The following HAGH variants were observed in gnomAD, a reference collection of about 807,000 sequenced individuals.
The protein encoded by HAGH is hydroxyacylglutathione hydrolase.
In HAGH, 29 loss-of-function variants were observed where a neutral mutation model predicts 35.1. That is an observed-to-expected ratio of 0.83 (90% CI 0.62 to 1.13). The LOEUF (loss-of-function observed/expected upper bound fraction) is 1.13. HAGH is among the 50% of genes most tolerant of loss of function. HAGH has a pLI of 0.00. For synonymous variants in HAGH, 225 were observed against 176.1 expected (o/e 1.28, Z -2.20); for missense variants, 478 against 419.6 (o/e 1.14, Z -1.22).
In HAGH at chr16:1,809,045, G is replaced by A; in HGVS notation, c.*238C>T. ...GCAGTGGCTCACGGAGGAGGAAGGA[G>A]GCCCGAGGGGACAAGCAGAGGCCTA... On this transcript the variant is annotated 3_prime_UTR_variant, in exon 9 of 9. Coordinates refer to ENST00000397356, the MANE Select transcript of HAGH (RefSeq NM_005326.6). The A allele has an allele frequency of 4.1e-6, 2 of 482,380 alleles. No homozygotes were observed. Among genetic ancestry groups the A allele is most frequent in the Non-Finnish European group, 7.4e-6 (2 of 270,004 alleles). 29.9% of individuals were successfully genotyped at this position (482,380 alleles called of 1,614,324 possible).
At chr16:1,815,932 A>ATTTT (rs61101799) in intron 7 of HAGH, among the ~76,000 whole-genome samples, 22 of 102,214 alleles carry the variant, frequency 2.2e-4, no homozygotes, top group East Asian at 3.0e-4. Flanking sequence ...GGCAGGGAGA[A>ATTTT]TTTTTTTTTT....
chr16:1,809,841 A>G lies in HAGH; in HGVS notation c.748-8T>C. 1.2e-6 allele frequency: 2 copies of G among 1,609,772 alleles called. No homozygotes were observed. Among genetic ancestry groups the G allele is most frequent in the Non-Finnish European group, 1.7e-6 (2 of 1,176,036 alleles). On this transcript the variant is annotated splice_polypyrimidine_tract_variant and splice_region_variant and intron_variant, in intron 7 of 8. Coordinates refer to ENST00000397356, the MANE Select transcript of HAGH (RefSeq NM_005326.6). ...CCCGATGCTGTACTTCTCCTGCAAG[A>G]GAAACGCACCACTTTATCACGGGAA...
At chr16:1,813,627 G>A (rs1013365187) in intron 7 of HAGH, among the ~76,000 whole-genome samples, 1 of 152,232 alleles carries the variant, frequency 6.6e-6, no homozygotes, top group Non-Finnish European at 1.5e-5. Context: ...TCAATGTTAA[G>A]ATCGCAATTC....
At chr16:1,810,351 T>TCATTCA (rs1897590318) in intron 7 of HAGH, 1 of 155,090 alleles carries the variant, frequency 6.4e-6, no homozygotes, top group African/African-American at 2.4e-5. Flanking sequence ...AGCTTCCTTT[T>TCATTCA]CATTCACATG....
chr16:1,812,207 A>AAG (rs1217797834), intron 7 of HAGH, among the ~76,000 whole-genome samples: 1 of 147,232 alleles, frequency 6.8e-6, no homozygotes, highest in East Asian at 2.0e-4. Context: ...CCAAAAAAAA[A>AAG]AAAAAAAAGA....
At position 1,809,346 on chromosome 16, in the gene HAGH, G is replaced by A. The variant is rs1427799883; in HGVS notation, c.864C>T (p.Asp288=). 3 of 1,613,236 alleles carry A rather than the reference G, an allele frequency of 1.9e-6. No individual in the cohort carries two copies. The highest frequency in any genetic ancestry group is 2.5e-6 in the Non-Finnish European group (3 of 1,179,934). ...GCACGGCCCGCATGGTGGTCACCGGGTCCGTCTCACCTGCGTGCTGCTGCA... is the reference window on the plus strand; with the variant it reads ...GCACGGCCCGCATGGTGGTCACCGGATCCGTCTCACCTGCGTGCTGCTGCA... The part of the protein sequence containing the change: ...KTVQQHAGET[D]PVTTMRAVRR... Residue 288 remains aspartate (D), a synonymous_variant, in exon 9 of 9, where the codon GAC becomes GAT. Transcript: ENST00000397356.
At position 1,822,990 on chromosome 16, in the gene HAGH, G is replaced by C. The variant is rs752111383; in HGVS notation, c.124C>G (p.Leu42Val). The C allele has an allele frequency of 6.2e-7, 1 of 1,613,822 alleles. No individual in the cohort carries two copies. The highest frequency in any genetic ancestry group is 1.3e-5 in the African/African-American group (1 of 74,934). ...VFCHTDLRKNLTVDEGTMKVE... is the reference protein window; with the variant it reads ...VFCHTDLRKNVTVDEGTMKVE... ...TTCATGGTGCCCTCGTCCACGGTCA[G>C]GTTCTTCCGCAAATCTGTGTGGCAG... The change falls in exon 2 of 9, where the codon CTG becomes GTG. Residue 42 changes from leucine (L) to valine (V), a missense_variant. By Grantham distance (32) the Leu-to-Val change is conservative (BLOSUM62 1). Transcript: ENST00000397356.
Position 1,826,603 on chromosome 16 carries a change from C to T in HAGH, c.76+109G>A, listed in dbSNP as rs1477898430. The T allele has an allele frequency of 6.1e-6, 6 of 982,092 alleles. 1 individual carries two copies. The African/African-American group carries it at 1.1e-4, about 17-fold the overall frequency. 60.8% of individuals were successfully genotyped at this position (982,092 alleles called of 1,614,324 possible). The stretch of plus-strand genomic sequence containing the variant: ...AGCCCGGCAGCGCGGCCTTAGGCAC[C>T]TGCGCAACAGACACCGCGTCAGCGG... On this transcript the variant is annotated intron_variant, in intron 1 of 8. Coordinates refer to ENST00000397356, the MANE Select transcript of HAGH (RefSeq NM_005326.6).
At chr16:1,827,071 T>C, upstream of HAGH, 2 of 1,018,218 alleles carry the variant, frequency 2.0e-6, no homozygotes, top group Non-Finnish European at 2.8e-6. Flanking sequence ...GCACAGTGGA[T>C]CCCTGGAGGC....
rs1475166970 is a variant in HAGH at position 1,826,802 on chromosome 16, T to G, written c.-15A>C. 1 of 1,219,836 alleles carries G rather than the reference T, an allele frequency of 8.2e-7. No homozygotes were observed. The highest frequency in any genetic ancestry group is 1.6e-5 in the African/African-American group (1 of 63,606). 75.6% of individuals were successfully genotyped at this position (1,219,836 alleles called of 1,614,324 possible). A position where few individuals can be genotyped will look rare whatever the true frequency, so the allele number is the denominator to read the frequency against. ...CCCACCACCATGACCCGGGCCGGGC[T>G]GGACTGCCGAGCTGCCCAGGACTGC... On this transcript the variant is annotated 5_prime_UTR_variant, in exon 1 of 9. Transcript: ENST00000397356.
chr16:1,814,518 T>G (rs1897800447), intron 7 of HAGH, among the ~76,000 whole-genome samples: 1 of 150,864 alleles, frequency 6.6e-6, no homozygotes, highest in Non-Finnish European at 1.5e-5. Context: ...TAAATGGAAC[T>G]TCACCAAAAC....
upstream of HAGH, chr16:1,827,167 C>T (rs890579601): frequency 6.5e-6 from 10 of 1,537,994 alleles, no homozygotes; most frequent in African/African-American, 4.1e-5. Flanking sequence ...GGCAGTTGGT[C>T]CTCTCCGGGA....
At chr16:1,826,960 C>T (rs746614021), upstream of HAGH, 2 of 614,422 alleles carry the variant, frequency 3.3e-6, no homozygotes, top group Non-Finnish European at 2.6e-6. Flanking sequence ...CCGCGAGCCC[C>T]GACTGCCACG....
In HAGH at chr16:1,809,019, T is replaced by G; in HGVS notation, c.*264A>C. ...TGACCTGAAGCGTGGGTGGGGGGAC[T>G]GCAGTGGCTCACGGAGGAGGAAGGA... On this transcript the variant is annotated 3_prime_UTR_variant, in exon 9 of 9. Transcript: ENST00000397356. 4.2e-6 allele frequency: 2 copies of G among 474,922 alleles called. No homozygotes were observed. Among genetic ancestry groups the G allele is most frequent in the Non-Finnish European group, 7.6e-6 (2 of 264,712 alleles). 29.4% of individuals were successfully genotyped at this position (474,922 alleles called of 1,614,324 possible).
chr16:1,819,425 A>G (rs2437731), intron 4 of HAGH, among the ~76,000 whole-genome samples: 138,039 of 152,260 alleles, frequency 0.91, 62,733 homozygotes, highest in Admixed American at 0.96. Flanking sequence ...CCACCCTGGA[A>G]CAAGAGCGTG....
intron 1 of HAGH, among the ~76,000 whole-genome samples, chr16:1,825,090 G>A (rs999329013): frequency 6.6e-6 from 1 of 152,186 alleles, no homozygotes; most frequent in Non-Finnish European, 1.5e-5. Flanking sequence ...AGGCCGAGGC[G>A]GGCGGATCGC....
chr16:1,809,701 G>T, intron 8 of HAGH, 53 bp downstream of exon 8: 1 of 1,255,234 alleles, frequency 8.0e-7, no homozygotes, highest in Non-Finnish European at 1.2e-6. Context: ...GTGTGCAGCA[G>T]TGGGACTGCC....
rs777482386 is a variant in HAGH at position 1,817,176 on chromosome 16, G to C, written c.637C>G (p.Pro213Ala). 3.7e-6 allele frequency: 6 copies of C among 1,606,378 alleles called. No individual in the cohort carries two copies. The highest frequency in any genetic ancestry group is 4.5e-5 in the East Asian group (2 of 44,826). Residue 213 changes from proline to alanine, a missense_variant, in exon 6 of 9, where the codon CCG (proline) becomes GCG (alanine). Physicochemically the swap from Pro to Ala is conservative, Grantham distance 27. Transcript: ENST00000397356. ...AGGGAGGCGCTGCCTACTGTGTCCG[G>C]GGGGAGCCGGCCCAAGACCTCCAGC... ...ALLEVLGRLP[P>A]DTRVYCGHEY...
At chr16:1,819,268 G>A (rs984210504) in intron 4 of HAGH, 45 bp from the exon 5 acceptor site, 1 of 1,295,202 alleles carries the variant, frequency 7.7e-7, no homozygotes, top group African/African-American at 1.5e-5. Flanking sequence ...ACACCCTGGA[G>A]AGCCATCTCC....
Sources: gnomAD v4.1 joint callset for allele counts (sites outside exome capture counted in the v4.1 genomes callset) on GRCh38, gnomAD v4.1.1 for gene constraint, MANE v1.5 for transcripts, NCBI Gene and HGNC (gene_info 2026-07-23, HGNC 2026-07-21) for gene names.